Variants in NAV3 observed in about 807,000 individuals in gnomAD.
NAV3 encodes pore membrane and/or filament interacting like protein 1.
NAV3 carries 87 observed loss-of-function variants against 244.7 expected under a neutral mutation model. That is an observed-to-expected ratio of 0.36 (90% CI 0.30 to 0.42). The LOEUF (loss-of-function observed/expected upper bound fraction) is 0.42, where lower values mean the gene tolerates loss of function less well. Ranked by LOEUF, NAV3 falls within the 20% of genes least tolerant of loss-of-function variation. The pLI is 1.00. For missense variants in NAV3, 2,663 were observed against 2,893.3 expected (o/e 0.92, Z 1.83); for synonymous variants, 1,126 against 1,042.2 (o/e 1.08, Z -1.55).
At chr12:77,932,508 T>C (rs1290297799) in intron 1 of NAV3, among the ~76,000 whole-genome samples, 1 of 152,200 alleles carries the variant, frequency 6.6e-6, no homozygotes, top group Admixed American at 6.5e-5. Context: ...ATTGTGTTCA[T>C]GGAAGATAGA....
chr12:77,813,093 G>C (rs1464761755), intron 2 of NAV3, among the ~76,000 whole-genome samples: 3 of 152,188 alleles, frequency 2.0e-5, no homozygotes, highest in African/African-American at 4.8e-5. Context: ...AAAGTGCTGA[G>C]ATTACAGGTG....
chr12:77,995,893 T>A (rs1288459566), intron 6 of NAV3, among the ~76,000 whole-genome samples: 2 of 152,180 alleles, frequency 1.3e-5, no homozygotes, highest in African/African-American at 4.8e-5. Flanking sequence ...TTAAGTACTG[T>A]ATTTTGATAG....
chr12:77,686,028 G>T (rs1324574033), intron 2 of NAV3, among the ~76,000 whole-genome samples: 3 of 152,166 alleles, frequency 2.0e-5, no homozygotes, highest in African/African-American at 7.2e-5. Context: ...AAAATGGATG[G>T]ATTTGACTCT....
intron 1 of NAV3, among the ~76,000 whole-genome samples, chr12:77,847,456 C>A (rs999453174): frequency 1.3e-5 from 2 of 152,090 alleles, no homozygotes; most frequent in Non-Finnish European, 1.5e-5. Context: ...TATGTATGAT[C>A]TATGTGAATC....
At chr12:78,118,006 C>T (rs2138560127) in intron 13 of NAV3, 21 bp from the exon 14 acceptor site, 2 of 1,522,422 alleles carry the variant, frequency 1.3e-6, no homozygotes, top group East Asian at 2.3e-5. Context: ...TAAAGTTTTT[C>T]TGTAATATTT....
At chr12:77,782,064 G>A (rs1870690613) in intron 2 of NAV3, among the ~76,000 whole-genome samples, 1 of 152,056 alleles carries the variant, frequency 6.6e-6, no homozygotes, top group South Asian at 2.1e-4. Context: ...TTCTTCATTT[G>A]CCAAACTAAA....
intron 8 of NAV3, among the ~76,000 whole-genome samples, chr12:78,016,791 C>G (rs1876290998): frequency 6.6e-6 from 1 of 152,046 alleles, no homozygotes; most frequent in South Asian, 2.1e-4. Context: ...TGCAAACATT[C>G]ATGTTTATGA....
chr12:77,615,327 G>T (rs1871104801), intron 2 of NAV3, among the ~76,000 whole-genome samples: 1 of 152,034 alleles, frequency 6.6e-6, no homozygotes, highest in African/African-American at 2.4e-5. Context: ...CTGAAGCTTG[G>T]TGTAAAAATG....
chr12:77,973,521 G>A (rs1313262414), intron 5 of NAV3, among the ~76,000 whole-genome samples: 2 of 152,084 alleles, frequency 1.3e-5, no homozygotes, highest in Non-Finnish European at 2.9e-5. Context: ...TGAAATCCCC[G>A]GGTACACGTT....
At chr12:77,881,769 T>C (rs1339983539) in intron 1 of NAV3, among the ~76,000 whole-genome samples, 2 of 152,154 alleles carry the variant, frequency 1.3e-5, no homozygotes, top group African/African-American at 4.8e-5. Context: ...GTAGCATTTC[T>C]ATACACCAAT....
intron 1 of NAV3, among the ~76,000 whole-genome samples, chr12:77,879,801 T>TA (rs1490342086): frequency 2.0e-5 from 3 of 152,044 alleles, no homozygotes; most frequent in African/African-American, 7.2e-5. Flanking sequence ...TAATGTTGGC[T>TA]AGCTATAACT....
At chr12:77,997,021 C>T (rs1347903369) in intron 6 of NAV3, among the ~76,000 whole-genome samples, 2 of 151,950 alleles carry the variant, frequency 1.3e-5, no homozygotes, top group African/African-American at 2.4e-5. Context: ...GGTGGGATCA[C>T]TTGAGGTCAG....
intron 2 of NAV3, among the ~76,000 whole-genome samples, chr12:77,692,868 A>G (rs1056156372): frequency 1.2e-4 from 19 of 152,196 alleles, no homozygotes; most frequent in African/African-American, 4.6e-4. Context: ...AAGCTGTGGA[A>G]TAGAATAATA....
intron 1 of NAV3, among the ~76,000 whole-genome samples, chr12:77,832,669 A>G (rs1401851238): frequency 1.3e-5 from 2 of 152,160 alleles, no homozygotes; most frequent in Admixed American, 6.6e-5. Flanking sequence ...AAAATATAGA[A>G]TAAGTTATTG....
chr12:77,821,967 G>C (rs945677811), intron 2 of NAV3, among the ~76,000 whole-genome samples: 1 of 152,176 alleles, frequency 6.6e-6, no homozygotes, highest in African/African-American at 2.4e-5. Context: ...TATCTGGCAA[G>C]AATATCCAAT....
intron 1 of NAV3, among the ~76,000 whole-genome samples, chr12:77,861,895 A>G (rs772503293): frequency 6.6e-6 from 1 of 151,896 alleles, no homozygotes; most frequent in Non-Finnish European, 1.5e-5. Flanking sequence ...TGCTAAAATC[A>G]ATGTGAATAC....
intron 4 of NAV3, 79 bp downstream of exon 4, chr12:77,966,380 A>G: frequency 1.7e-6 from 2 of 1,208,726 alleles, no homozygotes; most frequent in Non-Finnish European, 2.4e-6. Context: ...GAAATGTAAC[A>G]TTGGAGTATA....
Position 78,006,808 on chromosome 12 carries a change from GAAGGTTTT to G in NAV3, c.1273_1280del (p.Gly425GlnfsTer5). Reference sequence around the variant, plus strand: ...TGCCTTTTCTGAATCTGGTGAAATGGAAGGTTTTAACAGTGGTCTGAATAGTGGTGGCT... The same window carrying G: ...TGCCTTTTCTGAATCTGGTGAAATGGAACAGTGGTCTGAATAGTGGTGGCT... On this transcript the variant is annotated frameshift_variant, in exon 8 of 40. Transcript: ENST00000397909. LOFTEE classifies it high-confidence loss of function. The G allele has an allele frequency of 6.2e-7, 1 of 1,614,164 alleles. No homozygotes were observed. Among genetic ancestry groups the G allele is most frequent in the Non-Finnish European group, 8.5e-7 (1 of 1,180,030 alleles).
intron 12 of NAV3, among the ~76,000 whole-genome samples, chr12:78,105,321 A>C (rs1349123451): frequency 6.6e-6 from 1 of 152,134 alleles, no homozygotes; most frequent in East Asian, 1.9e-4. Context: ...TAGGTGAGCT[A>C]TTTAATCTCT....
Sources: allele counts gnomAD v4.1 joint callset (sites outside exome capture counted in the v4.1 genomes callset), GRCh38; gene constraint gnomAD v4.1.1; transcripts MANE v1.5; gene names NCBI Gene and HGNC (gene_info 2026-07-23, HGNC 2026-07-21).